FHIT: variants seen among roughly 807,000 people sequenced by gnomAD.
FHIT encodes the protein bis(5'-adenosyl)-triphosphatase.
FHIT carries 19 observed loss-of-function variants against 17.9 expected under a neutral mutation model. The observed-to-expected ratio is 1.06, with a 90% CI of 0.74 to 1.56. FHIT has a LOEUF of 1.56. Ranked by LOEUF, FHIT falls within the 40% of genes most tolerant of loss-of-function variation. The pLI, the probability that FHIT is intolerant of heterozygous loss-of-function variation, is 0.00. For synonymous variants in FHIT, 81 were observed against 69.7 expected (o/e 1.16, Z -0.81); for missense variants, 248 against 189.2 (o/e 1.31, Z -1.82).
chr3:59,895,676 C>T (rs543722859), intron 8 of FHIT, among the ~76,000 whole-genome samples: 1 of 152,316 alleles, frequency 6.6e-6, no homozygotes, highest in African/African-American at 2.4e-5. Flanking sequence ...GAAGCCTAAG[C>T]CACCATCATC....
intron 3 of FHIT, among the ~76,000 whole-genome samples, chr3:60,968,768 T>G (rs949486105): frequency 3.3e-5 from 5 of 152,174 alleles, no homozygotes; most frequent in Non-Finnish European, 7.3e-5. Context: ...ATTCCCATTT[T>G]GCTGAGATTT....
intron 7 of FHIT, among the ~76,000 whole-genome samples, chr3:59,946,199 C>A (rs985887888): frequency 7.2e-5 from 11 of 152,088 alleles, no homozygotes; most frequent in Non-Finnish European, 1.0e-4. Flanking sequence ...TGATTTCTTT[C>A]AGGAGTGTTT....
chr3:60,390,953 G>T (rs1411546564), intron 5 of FHIT, among the ~76,000 whole-genome samples: 1 of 152,198 alleles, frequency 6.6e-6, no homozygotes, highest in Non-Finnish European at 1.5e-5. Context: ...GCTGAATCGG[G>T]AGGATCACTT....
At chr3:59,803,371 T>G (rs909305573) in intron 8 of FHIT, among the ~76,000 whole-genome samples, 1 of 152,186 alleles carries the variant, frequency 6.6e-6, no homozygotes, top group Non-Finnish European at 1.5e-5. Flanking sequence ...GATCATCTCC[T>G]GGTGCTCATT....
chr3:60,390,002 C>T (rs1701158220), intron 5 of FHIT, among the ~76,000 whole-genome samples: 1 of 152,162 alleles, frequency 6.6e-6, no homozygotes, highest in South Asian at 2.1e-4. Flanking sequence ...GCTTTTCACA[C>T]ATTCCTTCCA....
At chr3:61,016,354 T>A (rs1440179905) in intron 3 of FHIT, among the ~76,000 whole-genome samples, 1 of 152,030 alleles carries the variant, frequency 6.6e-6, no homozygotes, top group Non-Finnish European at 1.5e-5. Flanking sequence ...ACAACAAAAA[T>A]AAGTACCACG....
intron 8 of FHIT, among the ~76,000 whole-genome samples, chr3:59,756,907 GA>G (rs1353398560): frequency 2.0e-5 from 3 of 152,030 alleles, no homozygotes; most frequent in African/African-American, 7.3e-5. Context: ...TAACATCTTT[GA>G]AATCAAAACA....
chr3:59,771,868 C>T (rs929277085), intron 8 of FHIT, among the ~76,000 whole-genome samples: 1 of 152,178 alleles, frequency 6.6e-6, no homozygotes, highest in Non-Finnish European at 1.5e-5. Flanking sequence ...TGTATGACTC[C>T]TTTCCCTAGA....
At chr3:61,197,393 C>T (rs977461018) in intron 2 of FHIT, among the ~76,000 whole-genome samples, 1 of 152,124 alleles carries the variant, frequency 6.6e-6, no homozygotes, top group African/African-American at 2.4e-5. Context: ...CCTAATACCC[C>T]AGCTAAGGCT....
chr3:60,642,932 C>T (rs1553685738), intron 4 of FHIT, among the ~76,000 whole-genome samples: 1 of 152,198 alleles, frequency 6.6e-6, no homozygotes, highest in Non-Finnish European at 1.5e-5. Context: ...GAGGTCAAAG[C>T]CCCTAAGACA....
In FHIT at chr3:59,761,500, A is replaced by G. The variant is rs1310874121; in HGVS notation, c.349-9179T>C. Among the ~76,000 whole-genome samples the G allele has an allele frequency of 4.6e-5, 7 of 152,250 alleles. No individual in the cohort carries two copies. The East Asian group carries it at 1.3e-3, about 29-fold the overall frequency. On this transcript the variant is annotated intron_variant, in intron 8 of 9. Transcript: ENST00000492590. ...GAATGTATAAATCAGGTACAGGTAC[A>G]GGTTAAGAGATTAACAACCAAGAAT...
At chr3:60,640,967 G>T (rs1181171988) in intron 4 of FHIT, among the ~76,000 whole-genome samples, 1 of 152,072 alleles carries the variant, frequency 6.6e-6, no homozygotes, top group African/African-American at 2.4e-5. Flanking sequence ...ATCACCTGAG[G>T]TCAGGAGTTC....
rs541095221 is a variant in FHIT at position 59,770,065 on chromosome 3, A to G, written c.349-17744T>C. Among the ~76,000 whole-genome samples the G allele has an allele frequency of 1.4e-4, 21 of 152,314 alleles. No individual in the cohort carries two copies. The South Asian group carries it at 3.5e-3, about 26-fold the overall frequency. ...AAAGCAAAACAAAACTAAACAAAAC[A>G]CAGAAAAATGCCCAGACTTGTAAGG... On this transcript the variant is annotated intron_variant, in intron 8 of 9. Coordinates refer to ENST00000492590, the MANE Select transcript of FHIT (RefSeq NM_002012.4).
intron 5 of FHIT, among the ~76,000 whole-genome samples, chr3:60,151,584 C>T (rs758265306): frequency 8.7e-4 from 133 of 152,194 alleles, no homozygotes; most frequent in Non-Finnish European, 1.5e-3. Context: ...ATTTGATTTG[C>T]CCCATCCCTA....
intron 1 of FHIT, among the ~76,000 whole-genome samples, chr3:61,232,159 G>A (rs2040121548): frequency 2.0e-5 from 3 of 152,194 alleles, no homozygotes; most frequent in South Asian, 4.1e-4. Flanking sequence ...CAAGGCTGGT[G>A]GATCACTTGA....
intron 4 of FHIT, chr3:60,690,105 G>A: frequency 6.7e-6 from 2 of 298,676 alleles, no homozygotes; most frequent in South Asian, 8.5e-5. Flanking sequence ...GGAACCCAAA[G>A]GGAACTGCAG....
At chr3:61,189,664 C>T (rs1321947421) in intron 2 of FHIT, among the ~76,000 whole-genome samples, 26 of 152,294 alleles carry the variant, frequency 1.7e-4, no homozygotes, top group African/African-American at 3.4e-4. Context: ...GGAGGCATCA[C>T]GCTACCTGAC....
At chr3:59,886,470 C>T (rs889036129) in intron 8 of FHIT, among the ~76,000 whole-genome samples, 8 of 152,164 alleles carry the variant, frequency 5.3e-5, no homozygotes, top group African/African-American at 1.9e-4. Flanking sequence ...GCAGGCTGTA[C>T]GAGAAGCCTG....
At chr3:60,131,392 G>C (rs1360735023) in intron 5 of FHIT, among the ~76,000 whole-genome samples, 1 of 151,922 alleles carries the variant, frequency 6.6e-6, no homozygotes, top group African/African-American at 2.4e-5. Flanking sequence ...CACACACGCA[G>C]AGCCCATGGA....
Sources: gnomAD v4.1 joint callset for allele counts (sites outside exome capture counted in the v4.1 genomes callset) on GRCh38, gnomAD v4.1.1 for gene constraint, MANE v1.5 for transcripts, NCBI Gene and HGNC (gene_info 2026-07-23, HGNC 2026-07-21) for gene names.